Variants in KANTR observed in about 807,000 individuals in gnomAD.
KANTR encodes the protein KDM5C adjacent transcript.
chrX:53,103,702 C>T (rs986283044), intron 2 of KANTR, among the ~76,000 whole-genome samples: 2 of 111,719 alleles, frequency 1.8e-5, no homozygotes, highest in South Asian at 3.7e-4. Flanking sequence ...CTCCCCTGTC[C>T]TTACACTCAG....
In KANTR at chrX:53,133,057, G is replaced by A. The variant is rs186194516; in HGVS notation, n.204-8791G>A. Among the ~76,000 whole-genome samples the A allele has an allele frequency of 8.8e-4, 97 of 110,687 alleles. 2 individuals carry two copies. The East Asian group carries it at 0.025, about 28-fold the overall frequency. On this transcript the variant is annotated intron_variant and non_coding_transcript_variant, in intron 2 of 2. Coordinates refer to the KANTR transcript ENST00000366185. ...GAGGAATGGGAGCATGGATGACAGG[G>A]AATACATAAAACAAGAAAGCGGTGG...
intron 1 of KANTR, chrX:53,094,516 C>G (rs1271943044): frequency 9.0e-6 from 1 of 111,719 alleles, no homozygotes; most frequent in East Asian, 2.8e-4. Context: ...TGCTGCCCTC[C>G]CGCGGCCCCA....
At chrX:53,143,530 G>T, downstream of KANTR, 2 of 616,418 alleles carry the variant, frequency 3.2e-6, no homozygotes, top group Non-Finnish European at 5.6e-6. Flanking sequence ...TGGCTGGGGT[G>T]TTGAAGGTCT....
downstream of KANTR, among the ~76,000 whole-genome samples, chrX:53,145,799 A>C (rs1237666922): frequency 1.8e-5 from 2 of 111,706 alleles, no homozygotes. Flanking sequence ...TCTGAGACAA[A>C]ACTTCCAGAG....
downstream of KANTR, among the ~76,000 whole-genome samples, chrX:53,127,975 A>T (rs1933310419): frequency 9.0e-6 from 1 of 111,367 alleles, no homozygotes; most frequent in Non-Finnish European, 1.9e-5. Context: ...AGATACCCAT[A>T]GGAGGGTAAG....
exon 3 of KANTR, chrX:53,126,574 A>G (rs1240242717): frequency 1.8e-5 from 2 of 111,853 alleles, no homozygotes; most frequent in African/African-American, 6.5e-5. Context: ...AGTCATCCCT[A>G]ATAGTCTCTT....
At chrX:53,121,428 C>G (rs1933218765) in intron 2 of KANTR, among the ~76,000 whole-genome samples, 1 of 112,091 alleles carries the variant, frequency 8.9e-6, no homozygotes, top group African/African-American at 3.2e-5. Flanking sequence ...AATAAGAAAG[C>G]AACATTGCTA....
At chrX:53,132,679 C>T (rs1933373339) in intron 2 of KANTR, among the ~76,000 whole-genome samples, 1 of 111,272 alleles carries the variant, frequency 9.0e-6, no homozygotes, top group Non-Finnish European at 1.9e-5. Context: ...CAAAGAAATT[C>T]TCATACAGGT....
At chrX:53,131,264 C>T (rs1322732833), downstream of KANTR, among the ~76,000 whole-genome samples, 1 of 111,585 alleles carries the variant, frequency 9.0e-6, no homozygotes, top group Non-Finnish European at 1.9e-5. Flanking sequence ...AGGATATGAA[C>T]AGGCAGAGTG....
chrX:53,138,379 T>G (rs1933454169), intron 2 of KANTR, among the ~76,000 whole-genome samples: 1 of 107,805 alleles, frequency 9.3e-6, no homozygotes, highest in African/African-American at 3.3e-5. Flanking sequence ...TTTAGAAATA[T>G]AGGCTGGGCG....
chrX:53,107,382 A>G (rs782397256), intron 2 of KANTR, among the ~76,000 whole-genome samples: 68 of 94,431 alleles, frequency 7.2e-4, no homozygotes, highest in Non-Finnish European at 1.2e-3. Context: ...GCTTCAACCA[A>G]TCCTCCTGCC....
intron 2 of KANTR, among the ~76,000 whole-genome samples, chrX:53,110,650 C>T (rs56215376): frequency 0.021 from 2,332 of 111,793 alleles, 55 homozygotes; most frequent in African/African-American, 0.071. Flanking sequence ...TGGGGCCGGG[C>T]GCCGTGGCTC....
intron 2 of KANTR, among the ~76,000 whole-genome samples, chrX:53,139,530 G>C (rs782472893): frequency 9.8e-5 from 11 of 112,234 alleles, no homozygotes; most frequent in Non-Finnish European, 1.7e-4. Context: ...GAATCATCAA[G>C]AAGAGAGGTT....
At position 53,137,341 on chromosome X, in the gene KANTR, G is replaced by A. The variant is rs190122725; in HGVS notation, n.204-4507G>A. Among the ~76,000 whole-genome samples the A allele has an allele frequency of 6.1e-3, 677 of 111,478 alleles. 4 individuals are homozygous for A. The highest frequency in any genetic ancestry group is 9.7e-3 in the Non-Finnish European group (515 of 53,043). On this transcript the variant is annotated intron_variant and non_coding_transcript_variant, in intron 2 of 2. Coordinates refer to the KANTR transcript ENST00000366185. ...TTTCTATTTGTGCCATTTTTAGCAT[G>A]GTGTATTTTTCTAAGAATGTATCAT...
exon 3 of KANTR, chrX:53,127,038 C>T (rs1421884210): frequency 9.0e-6 from 1 of 111,479 alleles, no homozygotes; most frequent in Non-Finnish European, 1.9e-5. Flanking sequence ...TTGCTGTTCC[C>T]CAAGTGTGCT....
chrX:53,132,733 GC>G (rs1273305684), intron 2 of KANTR, among the ~76,000 whole-genome samples: 5 of 111,330 alleles, frequency 4.5e-5, no homozygotes. Context: ...GGTGTAGTTT[GC>G]AACAGTGGGA....
chrX:53,102,987 T>G (rs980140360), intron 2 of KANTR, among the ~76,000 whole-genome samples: 2 of 16,300 alleles, frequency 1.2e-4, no homozygotes, highest in Non-Finnish European at 2.6e-4. Context: ...TTTGTTTGTT[T>G]TTTTTTTTTT....
chrX:53,117,489 C>T (rs782206485), intron 2 of KANTR, among the ~76,000 whole-genome samples: 45 of 109,561 alleles, frequency 4.1e-4, no homozygotes, highest in Non-Finnish European at 6.6e-4. Flanking sequence ...ATTCACTTGC[C>T]CTTTTTGATA....
Position 53,097,351 on chromosome X carries a change from T to TTTTTTG in KANTR, c.-941-2116_-941-2115insGTTTTT, listed in dbSNP as rs1932852654. 1.0e-4 allele frequency among the ~76,000 whole-genome samples: 2 copies of TTTTTTG among 19,983 alleles called. 1 individual carries two copies. The highest frequency in any genetic ancestry group is 1.9e-3 in the Admixed American group (2 of 1,061). The allele number at this position is 19,983 out of a possible 115,157, so 17.4% of individuals were successfully genotyped here. Reference sequence around the variant, plus strand: ...CAACCCTTTTTTCATTTGTTTTAAGTTTTTTTTTTTTTTTTTTTTGAGACA... The same window carrying TTTTTTG: ...CAACCCTTTTTTCATTTGTTTTAAGTTTTTTGTTTTTTTTTTTTTTTTTTTGAGACA... On this transcript the variant is annotated intron_variant, in intron 1 of 2. Coordinates refer to ENST00000604062, the Ensembl canonical transcript of KANTR.
Sources: allele counts gnomAD v4.1 joint callset (sites outside exome capture counted in the v4.1 genomes callset), GRCh38; gene constraint gnomAD v4.1.1; transcripts MANE v1.5; gene names NCBI Gene and HGNC (gene_info 2026-07-23, HGNC 2026-07-21).